HEATR5A: variants seen among roughly 807,000 people sequenced by gnomAD.
HEATR5A encodes HEAT repeat-containing protein 5A.
A neutral mutation model predicts 218.8 loss-of-function variants in HEATR5A; 178 were observed. That is an observed-to-expected ratio of 0.81 (90% CI 0.72 to 0.92). HEATR5A has a LOEUF of 0.92. Ranked by LOEUF, HEATR5A falls within the 40% of genes least tolerant of loss-of-function variation. The probability of loss-of-function intolerance (pLI) is 0.00; values close to 1 mark genes in which losing one functional copy is unlikely to be tolerated. For missense variants in HEATR5A, 2,420 were observed against 2,418.9 expected (o/e 1.00, Z -0.01); for synonymous variants, 864 against 871.6 (o/e 0.99, Z 0.15).
chr14:31,387,554 C>T (rs1004012184), intron 7 of HEATR5A, among the ~76,000 whole-genome samples, 179 bp from the exon 8 acceptor site: 2 of 143,766 alleles, frequency 1.4e-5, no homozygotes, highest in Non-Finnish European at 3.0e-5. Flanking sequence ...TAAGCCAGAA[C>T]TGAAGTGCAT....
chr14:31,364,176 C>A lies in HEATR5A; in HGVS notation c.2071+13G>T. 3.9e-6 allele frequency: 5 copies of A among 1,265,930 alleles called. No individual in the cohort carries two copies. Among genetic ancestry groups the A allele is most frequent in the Non-Finnish European group, 5.5e-6 (5 of 908,338 alleles). 78.4% of individuals were successfully genotyped at this position (1,265,930 alleles called of 1,614,324 possible). A position where few individuals can be genotyped will look rare whatever the true frequency, so the allele number is the denominator to read the frequency against. On this transcript the variant is annotated intron_variant, in intron 14 of 35. Transcript: ENST00000543095. ...GCCACAAACAAAAAAACATTTTGGTCTAAGGCACATACCTTCATAGGTCTC... is the reference window on the plus strand; with the variant it reads ...GCCACAAACAAAAAAACATTTTGGTATAAGGCACATACCTTCATAGGTCTC...
intron 30 of HEATR5A, among the ~76,000 whole-genome samples, chr14:31,307,143 T>C (rs541001895): frequency 2.0e-4 from 30 of 152,288 alleles, no homozygotes; most frequent in African/African-American, 7.0e-4. Context: ...CTGGCCAACA[T>C]GGTGAAACCC....
rs146641649 is a variant in HEATR5A, at chr14:31,412,812, TG to T, written c.-75+7659del. 1.0e-2 allele frequency among the ~76,000 whole-genome samples: 1,516 copies of T among 152,276 alleles called. 65 individuals are homozygous for T. Among genetic ancestry groups the T allele is most frequent in the Admixed American group, 0.073 (1,124 of 15,300 alleles). On this transcript the variant is annotated intron_variant, in intron 1 of 35. Coordinates refer to ENST00000543095, the MANE Select transcript of HEATR5A (RefSeq NM_015473.4). The stretch of plus-strand genomic sequence containing the variant: ...TCGCTTGAACCTGGGAGGTGAAAGT[TG>T]TGGTGAGCCAAGATGAGGCCATTGC...
intron 28 of HEATR5A, 44 bp from the exon 29 acceptor site, chr14:31,309,226 T>C: frequency 6.3e-7 from 1 of 1,589,554 alleles, no homozygotes; most frequent in Non-Finnish European, 8.6e-7. Flanking sequence ...TAACTTCCAA[T>C]ATATTTTCTC....
chr14:31,339,182 G>T (rs1900761982), intron 21 of HEATR5A, among the ~76,000 whole-genome samples: 1 of 150,646 alleles, frequency 6.6e-6, no homozygotes, highest in African/African-American at 2.4e-5. Context: ...TATGAGAAGA[G>T]GGCTGGGCAT....
intron 11 of HEATR5A, among the ~76,000 whole-genome samples, chr14:31,378,777 G>A (rs1308309490): frequency 9.6e-6 from 1 of 103,678 alleles, no homozygotes; most frequent in African/African-American, 3.7e-5. Context: ...GACAAAGTGA[G>A]ACTCCACCTC....
intron 33 of HEATR5A, among the ~76,000 whole-genome samples, chr14:31,299,895 G>A (rs113923837): frequency 0.016 from 2,401 of 151,684 alleles, 54 homozygotes; most frequent in African/African-American, 0.055. Context: ...AATTAGCCAG[G>A]CCTGGTGGTG....
intron 22 of HEATR5A, among the ~76,000 whole-genome samples, chr14:31,333,778 T>G (rs980247716): frequency 2.0e-5 from 3 of 151,652 alleles, no homozygotes; most frequent in Admixed American, 6.6e-5. Flanking sequence ...ACACCTGTAA[T>G]CCCAGCACTT....
intron 1 of HEATR5A, among the ~76,000 whole-genome samples, chr14:31,412,042 G>A (rs1306117081): frequency 1.3e-5 from 2 of 151,932 alleles, no homozygotes; most frequent in Non-Finnish European, 2.9e-5. Context: ...TTTTAGTAGA[G>A]ACAGGGTTTC....
intron 1 of HEATR5A, among the ~76,000 whole-genome samples, chr14:31,418,933 AT>A (rs2139336421): frequency 6.6e-6 from 1 of 152,318 alleles, no homozygotes; most frequent in Admixed American, 6.5e-5. Context: ...AAGTAAAAAA[AT>A]AATTTTTTTC....
intron 3 of HEATR5A, among the ~76,000 whole-genome samples, chr14:31,399,095 A>G (rs541310250): frequency 2.0e-5 from 3 of 152,300 alleles, no homozygotes; most frequent in Admixed American, 2.0e-4. Context: ...ATTTTGAGTT[A>G]ATTTTTTATA....
chr14:31,331,202 A>G (rs1275205006), intron 22 of HEATR5A, among the ~76,000 whole-genome samples: 1 of 152,046 alleles, frequency 6.6e-6, no homozygotes, highest in Admixed American at 6.6e-5. Context: ...AGCCCCTCAA[A>G]GTGCTGGGAC....
intron 27 of HEATR5A, 145 bp downstream of exon 27, chr14:31,315,625 A>C: frequency 1.7e-6 from 1 of 586,810 alleles, no homozygotes; most frequent in Non-Finnish European, 2.9e-6. Context: ...TTAACATATA[A>C]ATACATCACA....
intron 1 of HEATR5A, among the ~76,000 whole-genome samples, chr14:31,409,654 C>G (rs114140300): frequency 6.6e-6 from 1 of 152,164 alleles, no homozygotes; most frequent in Non-Finnish European, 1.5e-5. Flanking sequence ...GGGCCAAGAT[C>G]GCGCCACTGC....
chr14:31,297,243 G>T (rs1021026276), intron 33 of HEATR5A: 6 of 152,324 alleles, frequency 3.9e-5, no homozygotes, highest in African/African-American at 1.4e-4. Flanking sequence ...CCAAGATTAC[G>T]CCACTGCACT....
chr14:31,375,511 T>G (rs1324405608), intron 11 of HEATR5A, among the ~76,000 whole-genome samples: 1 of 152,072 alleles, frequency 6.6e-6, no homozygotes, highest in Non-Finnish European at 1.5e-5. Context: ...AAGTGATCCT[T>G]CCAGCTCAGC....
chr14:31,305,505 C>T lies in HEATR5A; in HGVS notation c.4967-328G>A, dbSNP rs146421508. ...CTCGAACTCCTGACCTCAAGCTATC[C>T]GCCTGCCCCGGCCTCCCAAAGTGCC... On this transcript the variant is annotated intron_variant, in intron 31 of 35. Coordinates refer to ENST00000543095, the MANE Select transcript of HEATR5A (RefSeq NM_015473.4). Among the ~76,000 whole-genome samples the T allele has an allele frequency of 4.7e-3, 710 of 152,254 alleles. 2 individuals carry two copies. The highest frequency in any genetic ancestry group is 0.016 in the African/African-American group (669 of 41,528).
chr14:31,320,478 C>T, intron 25 of HEATR5A: 1 of 1,360,808 alleles, frequency 7.3e-7, no homozygotes, highest in East Asian at 2.3e-5. Context: ...GTCTGGAACT[C>T]CCGTCTGGCC....
Position 31,394,124 on chromosome 14 carries a change from C to CTATG in HEATR5A, c.699_700insCATA (p.Val234HisfsTer16), listed in dbSNP as rs1410372619. The CTATG allele has an allele frequency of 1.3e-6, 2 of 1,535,274 alleles. No homozygotes were observed. Among genetic ancestry groups the CTATG allele is most frequent in the Non-Finnish European group, 8.7e-7 (1 of 1,146,150 alleles). On this transcript the variant is annotated frameshift_variant, in exon 6 of 36. Coordinates refer to ENST00000543095, the MANE Select transcript of HEATR5A (RefSeq NM_015473.4). LOFTEE classifies it high-confidence loss of function. ...AGTAACTTTGAAACAGAAATCCGCA[C>CTATG]ATCATAATTGGAACCTTCAAAGGAC... is the stretch of plus-strand genomic sequence containing the variant.
Sources: allele counts gnomAD v4.1 joint callset (sites outside exome capture counted in the v4.1 genomes callset), GRCh38; gene constraint gnomAD v4.1.1; transcripts MANE v1.5; gene names NCBI Gene and HGNC (gene_info 2026-07-23, HGNC 2026-07-21).